The following SPAG5 variants were observed in gnomAD, a reference collection of about 807,000 sequenced individuals.
SPAG5 encodes the protein sperm-associated antigen 5.
Under a neutral mutation model 145.4 loss-of-function variants are expected in SPAG5, and 99 were observed. That is an observed-to-expected ratio of 0.68 (90% CI 0.58 to 0.80). SPAG5 has a LOEUF of 0.80. Ranked by LOEUF, SPAG5 falls within the 30% of genes least tolerant of loss-of-function variation. The pLI, the probability that SPAG5 is intolerant of heterozygous loss-of-function variation, is 0.00. For synonymous variants in SPAG5, 477 were observed against 525.4 expected (o/e 0.91, Z 1.26); for missense variants, 1,192 against 1,416.0 (o/e 0.84, Z 2.54).
At chr17:28,586,363 G>C in intron 5 of SPAG5, 62 bp downstream of exon 5, 2 of 1,410,906 alleles carry the variant, frequency 1.4e-6, no homozygotes, top group Non-Finnish European at 2.0e-6. Flanking sequence ...AACCACCCAG[G>C]ATTCTCCATT....
chr17:28,587,712 C>T (rs930030325), intron 4 of SPAG5, among the ~76,000 whole-genome samples: 4 of 119,784 alleles, frequency 3.3e-5, no homozygotes, highest in East Asian at 2.3e-4. Context: ...AGTGAGACCT[C>T]GTCTCAAAAA....
rs2070549188 is a variant in SPAG5 at position 28,581,578 on chromosome 17, A to G, written c.2686-1458T>C. On this transcript the variant is annotated intron_variant, in intron 15 of 23. Coordinates refer to ENST00000321765, the MANE Select transcript of SPAG5 (RefSeq NM_006461.4). Reference sequence around the variant, plus strand: ...TCCCAAATCCTCCTCTACTTGTTGGATTTTTCCTTGGAGTCTGTCTCTCCT... The same window carrying G: ...TCCCAAATCCTCCTCTACTTGTTGGGTTTTTCCTTGGAGTCTGTCTCTCCT... 2.0e-5 allele frequency among the ~76,000 whole-genome samples: 3 copies of G among 149,598 alleles called. No individual in the cohort carries two copies. The South Asian group carries it at 6.5e-4, about 32-fold the overall frequency.
Position 28,583,570 on chromosome 17 carries a change from G to C in SPAG5, c.2626C>G (p.Leu876Val), listed in dbSNP as rs776641957. Residue 876 changes from leucine (L) to valine (V), a missense_variant, in exon 15 of 24, where the codon CTG (leucine) becomes GTG (valine). Transcript: ENST00000321765. ...KTRQYSQKLG[L>V]LTEQLQSLTL... is the part of the protein sequence containing the mutation. ...AGGCTCTGTAGTTGCTCAGTCAGCA[G>C]CCCTAGCTTTTGAGAGTACTGCCGT... The C allele has an allele frequency of 1.2e-6, 2 of 1,613,934 alleles. No individual in the cohort carries two copies.
At chr17:28,597,914 T>C (rs1345316892) in intron 2 of SPAG5, among the ~76,000 whole-genome samples, 1 of 152,364 alleles carries the variant, frequency 6.6e-6, no homozygotes, top group East Asian at 1.9e-4. Context: ...AGACAATTTT[T>C]CCAGGCAGTT....
At position 28,592,465 on chromosome 17, in the gene SPAG5, A is replaced by G. The variant is rs757887268; in HGVS notation, c.779T>C (p.Val260Ala). Residue 260 changes from valine to alanine, a missense_variant, in exon 3 of 24, where the codon GTC becomes GCC. Physicochemically the swap from Val to Ala is moderately conservative, Grantham distance 64. This residue lies in a region of SPAG5 where 329 missense variants were observed against 354.0 expected (regional missense o/e 0.93). Coordinates refer to ENST00000321765, the MANE Select transcript of SPAG5 (RefSeq NM_006461.4). ...TTCCTCCTCTGGGTCCACATGATTG[A>G]CACGGAAATCTGCTGCCAAGGCAGT... ...PSTALAADFR[V>A]NHVDPEEEIV... is the part of the protein sequence containing the mutation. The G allele has an allele frequency of 7.4e-6, 12 of 1,613,686 alleles. No individual in the cohort carries two copies. The highest frequency in any genetic ancestry group is 1.0e-5 in the Non-Finnish European group (12 of 1,180,044).
At position 28,579,416 on chromosome 17, in the gene SPAG5, G is replaced by A. The variant is rs760272354; in HGVS notation, c.2954C>T (p.Ser985Phe). The A allele has an allele frequency of 1.9e-6, 3 of 1,614,076 alleles. No homozygotes were observed. Among genetic ancestry groups the A allele is most frequent in the South Asian group, 2.2e-5 (2 of 91,072 alleles). ...TTCTTCTTTAGACTCTTGTAGCAGG[G>A]AACAAAGACTCTGAAGCTCAGTAGT... ...IMTTELQSLC[S>F]LLQESKEEAI... Residue 985 changes from serine (S) to phenylalanine (F), a missense_variant, in exon 18 of 24, where the codon TCC (serine) becomes TTC (phenylalanine). Physicochemically the swap from Ser to Phe is radical, Grantham distance 155 (BLOSUM62 -2). Transcript: ENST00000321765.
chr17:28,585,657 T>C lies in SPAG5; in HGVS notation c.1741-4A>G, dbSNP rs755872126. The C allele has an allele frequency of 1.2e-6, 2 of 1,613,450 alleles. No homozygotes were observed. Among genetic ancestry groups the C allele is most frequent in the South Asian group, 1.1e-5 (1 of 91,038 alleles). ...AAGCCTCCAACACTATCTCTGCCTATTGAGGGAAGTGGTTGCAAGGCCACA... is the reference window on the plus strand; with the variant it reads ...AAGCCTCCAACACTATCTCTGCCTACTGAGGGAAGTGGTTGCAAGGCCACA... On this transcript the variant is annotated splice_polypyrimidine_tract_variant and splice_region_variant and intron_variant, in intron 7 of 23. Transcript: ENST00000321765.
In SPAG5 at chr17:28,578,537, G is replaced by A. The variant is rs767819110; in HGVS notation, c.3199-9C>T. The A allele has an allele frequency of 1.9e-6, 3 of 1,609,772 alleles. No individual in the cohort carries two copies. The highest frequency in any genetic ancestry group is 2.5e-6 in the Non-Finnish European group (3 of 1,179,856). ...ACCTCCTCTCTAAGGCTCTGGGAAT[G>A]AGAATGGAGAGGTGTCCAATAGGAC... On this transcript the variant is annotated splice_polypyrimidine_tract_variant and intron_variant, in intron 20 of 23. Coordinates refer to ENST00000321765, the MANE Select transcript of SPAG5 (RefSeq NM_006461.4).
intron 1 of SPAG5, 105 bp downstream of exon 1, chr17:28,598,791 C>G (rs1371148439): frequency 1.5e-5 from 23 of 1,516,824 alleles, no homozygotes; most frequent in Non-Finnish European, 1.0e-5. Context: ...ACTCCACAAG[C>G]CCCCAACCCC....
intron 14 of SPAG5, 46 bp downstream of exon 14, chr17:28,583,807 A>G (rs1159644981): frequency 6.3e-6 from 10 of 1,579,778 alleles, no homozygotes; most frequent in Admixed American, 3.7e-5. Context: ...GTTCCTGAGA[A>G]AAAAATAAGC....
Position 28,579,179 on chromosome 17 carries a change from T to C in SPAG5, c.3079A>G (p.Ile1027Val), listed in dbSNP as rs1411801896. Residue 1027 changes from isoleucine to valine, a missense_variant, in exon 19 of 24, where the codon ATA (isoleucine) becomes GTA (valine). Ile to Val is a conservative substitution (Grantham distance 29). This residue lies in a region of SPAG5 where 709 missense variants were observed against 840.7 expected (regional missense o/e 0.84). Transcript: ENST00000321765. ...CACAAGGCCTGGTTCAGCTTCTCTA[T>C]GTCTGCTTCTTTTGCCTTCTGGACT... ...QEVQKAKEAD[I>V]EKLNQALCLR... is the part of the protein sequence containing the mutation. 2.5e-6 allele frequency: 4 copies of C among 1,614,116 alleles called. No individual in the cohort carries two copies. The highest frequency in any genetic ancestry group is 3.4e-6 in the Non-Finnish European group (4 of 1,180,042).
At position 28,584,131 on chromosome 17, in the gene SPAG5, C is replaced by A. The variant is rs774270679; in HGVS notation, c.2412+19G>T. On this transcript the variant is annotated intron_variant, in intron 13 of 23. Transcript: ENST00000321765. Reference sequence around the variant, plus strand: ...TCCTGAGGCTTACCAGCTCCCTTGGCCCAAGCCATATTCCTTACCTCCAAG... The same window carrying A: ...TCCTGAGGCTTACCAGCTCCCTTGGACCAAGCCATATTCCTTACCTCCAAG... The A allele has an allele frequency of 2.5e-6, 4 of 1,613,302 alleles. No individual in the cohort carries two copies. The East Asian group carries it at 8.9e-5, about 36-fold the overall frequency.
Position 28,579,132 on chromosome 17 carries a change from C to T in SPAG5, c.3117+9G>A. On this transcript the variant is annotated intron_variant, in intron 19 of 23. Transcript: ENST00000321765. ...TCTTCATCGCCCCACTTCTAGGTCC[C>T]TCCTTCACCTTGTAGCGCAAGCACA... 1 of 1,609,828 alleles carries T rather than the reference C, an allele frequency of 6.2e-7. No individual in the cohort carries two copies.
rs2151524986 is a variant in SPAG5, at chr17:28,598,920, GAGGC to G, written c.23_26del (p.Ser8ThrfsTer14). 1 of 1,614,074 alleles carries G rather than the reference GAGGC, an allele frequency of 6.2e-7. No individual in the cohort carries two copies. Among genetic ancestry groups the G allele is most frequent in the Non-Finnish European group, 8.5e-7 (1 of 1,180,014 alleles). On this transcript the variant is annotated frameshift_variant, in exon 1 of 24. Transcript: ENST00000321765. LOFTEE classifies it high-confidence loss of function. ...CCGTCTGGGGCGAAGGCGACAGGCT[GAGGC>G]TCAGTTTTTTCACTCGCCACATCTT...
rs761872203 is a variant in SPAG5, at chr17:28,579,857, T to G, written c.2798-20A>C. 1.6e-5 allele frequency: 25 copies of G among 1,608,894 alleles called. No individual in the cohort carries two copies. The highest frequency in any genetic ancestry group is 1.8e-5 in the Non-Finnish European group (21 of 1,175,564). Reference sequence around the variant, plus strand: ...CTGGCTCTAAGAGAAAAACCAATAATGGGAGAGGGCCCCTCTGATGATCCA... The same window carrying G: ...CTGGCTCTAAGAGAAAAACCAATAAGGGGAGAGGGCCCCTCTGATGATCCA... On this transcript the variant is annotated intron_variant, in intron 16 of 23. Transcript: ENST00000321765.
intron 2 of SPAG5, among the ~76,000 whole-genome samples, chr17:28,596,424 T>C (rs949119108): frequency 3.9e-5 from 6 of 152,210 alleles, no homozygotes; most frequent in African/African-American, 1.2e-4. Context: ...TCCCAGCACT[T>C]TGGGAGGCTG....
intron 15 of SPAG5, among the ~76,000 whole-genome samples, chr17:28,581,214 CAG>C (rs1316001972): frequency 6.6e-6 from 1 of 152,216 alleles, no homozygotes; most frequent in Admixed American, 6.5e-5. Context: ...GTAGTTGAGA[CAG>C]AGACCATATG....
Position 28,578,688 on chromosome 17 carries a change from T to C in SPAG5, c.3182A>G (p.Lys1061Arg). The change falls in exon 20 of 24, where the codon AAG (lysine) becomes AGG (arginine). Residue 1061 changes from lysine to arginine, a missense_variant. Around this residue, in one of 5 missense-constraint regions of SPAG5, gnomAD observed 709 missense variants for 840.7 expected, o/e 0.84. Coordinates refer to ENST00000321765, the MANE Select transcript of SPAG5 (RefSeq NM_006461.4). Reference sequence around the variant, plus strand: ...TGAACATACTATGAGCTCGCCACTCTTGTCTATCTGTTCTAGGATCTTCTC... The same window carrying C: ...TGAACATACTATGAGCTCGCCACTCCTGTCTATCTGTTCTAGGATCTTCTC... ...QNEKILEQID[K>R]SGELISLREE... 1 of 1,614,040 alleles carries C rather than the reference T, an allele frequency of 6.2e-7. No individual in the cohort carries two copies. The highest frequency in any genetic ancestry group is 1.1e-5 in the South Asian group (1 of 91,080).
At chr17:28,580,202 C>G in intron 15 of SPAG5, 82 bp from the exon 16 acceptor site, 1 of 816,286 alleles carries the variant, frequency 1.2e-6, no homozygotes, top group Non-Finnish European at 1.9e-6. Context: ...CCATCTCCTC[C>G]AAAATGCTGT....
Sources: gnomAD v4.1 joint callset for allele counts (sites outside exome capture counted in the v4.1 genomes callset) on GRCh38, gnomAD v4.1.1 for gene constraint, gnomAD v4.1.1 regional missense constraint, MANE v1.5 for transcripts, NCBI Gene and HGNC (gene_info 2026-07-23, HGNC 2026-07-21) for gene names.